Variants in MTMR10 observed in about 807,000 individuals in gnomAD.
MTMR10 encodes myotubularin related protein 10, also known as myotubularin-related protein 10.
Under a neutral mutation model 88.1 loss-of-function variants are expected in MTMR10, and 56 were observed. The observed-to-expected ratio is 0.64, with a 90% confidence interval of 0.51 to 0.79. The LOEUF is 0.79. Among genes scored for constraint, MTMR10 ranks in the 30% least tolerant of loss-of-function variants. The probability of loss-of-function intolerance (pLI) is 0.00; values close to 1 mark genes in which losing one functional copy is unlikely to be tolerated. For missense variants in MTMR10, 883 were observed against 924.7 expected (o/e 0.95, Z 0.58); for synonymous variants, 380 against 340.9 (o/e 1.11, Z -1.26).
chr15:30,925,829 G>T, the MTMR10 span: 3 of 1,614,212 alleles, frequency 1.9e-6, no homozygotes, highest in African/African-American at 4.0e-5. Flanking sequence ...CGTGGGATGT[G>T]CAAGTCTGTG....
chr15:30,936,558 TAGA>T (rs1218317674), downstream of MTMR10, among the ~76,000 whole-genome samples: 2 of 152,250 alleles, frequency 1.3e-5, no homozygotes, highest in East Asian at 1.9e-4. Flanking sequence ...TTCTACAGAA[TAGA>T]AGAATTTCTG....
the MTMR10 span, among the ~76,000 whole-genome samples, chr15:30,924,897 C>T: frequency 3.3e-5 from 5 of 152,336 alleles, no homozygotes; most frequent in South Asian, 2.1e-4. Context: ...ACCTGGATTA[C>T]AGCCCGGTCA....
the MTMR10 span, chr15:30,920,692 T>C: frequency 8.1e-7 from 1 of 1,227,754 alleles, no homozygotes; most frequent in African/African-American, 1.5e-5. Flanking sequence ...ATTACTGATG[T>C]GATGGCGTTA....
rs543992876 is a variant in MTMR10, at chr15:30,944,150, G to A, written c.1549-1078C>T. 1.1e-5 allele frequency: 4 copies of A among 368,268 alleles called. No homozygotes were observed. In the South Asian group the frequency reaches 4.4e-4, roughly 41 times the overall value. 22.8% of individuals were successfully genotyped at this position (368,268 alleles called of 1,614,324 possible). A position where few individuals can be genotyped will look rare whatever the true frequency, so the allele number is the denominator to read the frequency against. On this transcript the variant is annotated intron_variant, in intron 14 of 15. Transcript: ENST00000435680. ...GCCAGGTGGCATTCCCTGGCACAGTGGCGGCTTGAATCATCAAGAAATGGC... is the reference window on the plus strand; with the variant it reads ...GCCAGGTGGCATTCCCTGGCACAGTAGCGGCTTGAATCATCAAGAAATGGC...
At chr15:30,946,673 G>C in intron 14 of MTMR10, 2 of 695,242 alleles carry the variant, frequency 2.9e-6, no homozygotes, top group South Asian at 1.5e-5. Flanking sequence ...AGTTTGGCTT[G>C]AGACCCTGCT....
intron 9 of MTMR10, among the ~76,000 whole-genome samples, chr15:30,955,973 TA>T (rs113917594): frequency 7.4e-6 from 1 of 135,760 alleles, no homozygotes; most frequent in Non-Finnish European, 1.6e-5. Context: ...CACACCACTT[TA>T]AAAAAACAAA....
rs796275031 is a variant in MTMR10, at chr15:30,963,475, T to TAA, written c.566-2404_566-2403dup. On this transcript the variant is annotated intron_variant, in intron 6 of 15. Coordinates refer to ENST00000435680, the MANE Select transcript of MTMR10 (RefSeq NM_017762.3). Reference sequence around the variant, plus strand: ...GAAACCCTGTCTCTATTAAAAATACTAAAAAAAAAAAAATAAGCCGGGTGT... The same window carrying TAA: ...GAAACCCTGTCTCTATTAAAAATACTAAAAAAAAAAAAAAATAAGCCGGGTGT... 4.8e-3 allele frequency among the ~76,000 whole-genome samples: 690 copies of TAA among 144,686 alleles called. 4 individuals are homozygous for TAA. Among genetic ancestry groups the TAA allele is most frequent in the African/African-American group, 0.017 (667 of 39,716 alleles). 94.9% of individuals were successfully genotyped at this position (144,686 alleles called of 152,430 possible).
At chr15:30,923,869 C>T in the MTMR10 span, among the ~76,000 whole-genome samples, 9 of 152,240 alleles carry the variant, frequency 5.9e-5, no homozygotes, top group African/African-American at 2.2e-4. Flanking sequence ...CCCTAAAATA[C>T]AGCATTTTAG....
chr15:30,948,264 C>A lies in MTMR10; in HGVS notation c.1377+38G>T, dbSNP rs1401928208. The A allele has an allele frequency of 2.6e-6, 4 of 1,560,484 alleles. No individual in the cohort carries two copies. The Admixed American group carries it at 8.0e-5, about 31-fold the overall frequency. The stretch of plus-strand genomic sequence containing the variant: ...ATGACACAAATTTTATTTTGTGTAT[C>A]CTTAAAGACTGATAAAAAGGCATCA... On this transcript the variant is annotated intron_variant, in intron 13 of 15. Coordinates refer to ENST00000435680, the MANE Select transcript of MTMR10 (RefSeq NM_017762.3).
intron 15 of MTMR10, chr15:30,942,350 C>A (rs376766405): frequency 1.0e-5 from 5 of 480,688 alleles, no homozygotes; most frequent in African/African-American, 7.8e-5. Flanking sequence ...AGTTCTAAGA[C>A]GGGCTAGAAA....
chr15:30,930,016 T>C, the MTMR10 span, among the ~76,000 whole-genome samples: 1 of 136,876 alleles, frequency 7.3e-6, no homozygotes, highest in Non-Finnish European at 1.5e-5. Flanking sequence ...ATGTATAAAA[T>C]ATATAATAAT....
At chr15:30,975,063 T>A in intron 3 of MTMR10, 60 bp from the exon 4 acceptor site, 1 of 1,285,734 alleles carries the variant, frequency 7.8e-7, no homozygotes, top group South Asian at 1.3e-5. Context: ...AATGGTAGTA[T>A]AAGCCTTAAA....
chr15:30,931,447 T>C, the MTMR10 span, among the ~76,000 whole-genome samples: 2 of 152,256 alleles, frequency 1.3e-5, no homozygotes, highest in Non-Finnish European at 2.9e-5. Context: ...ATCCAACTTA[T>C]TTGTTCTCTA....
intron 6 of MTMR10, chr15:30,966,136 G>A (rs1367679489): frequency 7.4e-6 from 3 of 406,210 alleles, no homozygotes; most frequent in Middle Eastern, 4.6e-4. Flanking sequence ...CTTGTCAAAG[G>A]AGGAGTCTGA....
intron 5 of MTMR10, among the ~76,000 whole-genome samples, chr15:30,968,918 G>C (rs1595933940): frequency 6.6e-6 from 1 of 152,254 alleles, no homozygotes; most frequent in East Asian, 1.9e-4. Flanking sequence ...GAATGTGGGA[G>C]AAAATGCTCT....
downstream of MTMR10, among the ~76,000 whole-genome samples, chr15:30,934,040 A>G (rs777346211): frequency 3.3e-5 from 5 of 151,990 alleles, no homozygotes; most frequent in Non-Finnish European, 5.9e-5. Flanking sequence ...TGCCCAGCCA[A>G]TTTGTGTATT....
chr15:30,976,624 C>T (rs1352602155), intron 3 of MTMR10, among the ~76,000 whole-genome samples, 195 bp downstream of exon 3: 1 of 152,168 alleles, frequency 6.6e-6, no homozygotes, highest in Non-Finnish European at 1.5e-5. Context: ...ACTTACAATC[C>T]TCTCACTAAT....
chr15:30,950,874 TTTAAG>T (rs1361988374), intron 12 of MTMR10, among the ~76,000 whole-genome samples: 3 of 152,202 alleles, frequency 2.0e-5, no homozygotes, highest in African/African-American at 7.2e-5. Context: ...TCCTGTACAC[TTTAAG>T]TTACCTCTAG....
At chr15:30,924,449 C>T in the MTMR10 span, among the ~76,000 whole-genome samples, 1 of 152,198 alleles carries the variant, frequency 6.6e-6, no homozygotes, top group African/African-American at 2.4e-5. Flanking sequence ...ACATTCCCAC[C>T]AGCAATGCGT....
Sources: allele counts gnomAD v4.1 joint callset (sites outside exome capture counted in the v4.1 genomes callset), GRCh38; gene constraint gnomAD v4.1.1; transcripts MANE v1.5; gene names NCBI Gene and HGNC (gene_info 2026-07-23, HGNC 2026-07-21).